STPG2: variants seen among roughly 807,000 people sequenced by gnomAD.
STPG2 encodes sperm tail PG-rich repeat containing 2.
STPG2 carries 56 observed loss-of-function variants against 54.2 expected under a neutral mutation model. That is an observed-to-expected ratio of 1.03 (90% CI 0.83 to 1.29). STPG2 has a LOEUF of 1.29. Among genes scored for constraint, STPG2 ranks in the 50% most tolerant of loss-of-function variants. STPG2 has a pLI of 0.00. For synonymous variants in STPG2, 200 were observed against 181.8 expected (o/e 1.10, Z -0.81); for missense variants, 596 against 544.9 (o/e 1.09, Z -0.93).
intron 9 of STPG2, among the ~76,000 whole-genome samples, chr4:97,760,386 T>C (rs1037701683): frequency 1.3e-5 from 2 of 152,148 alleles, no homozygotes; most frequent in Non-Finnish European, 2.9e-5. Flanking sequence ...GGTAAGTAAA[T>C]GAGCCAAGGC....
intron 5 of STPG2, among the ~76,000 whole-genome samples, chr4:98,067,467 T>C (rs1461388902): frequency 6.6e-6 from 1 of 152,216 alleles, no homozygotes. Context: ...ACAGTATTGC[T>C]GATTATTATA....
intron 9 of STPG2, among the ~76,000 whole-genome samples, chr4:97,748,890 T>C (rs1490688807): frequency 1.3e-5 from 2 of 151,652 alleles, no homozygotes; most frequent in Non-Finnish European, 3.0e-5. Flanking sequence ...TCTTTAGAGT[T>C]TGCCAACTCC....
rs563398302 is a variant in STPG2 at position 97,452,852 on chromosome 4, C to T, written c.462+259847G>A. Among the ~76,000 whole-genome samples the T allele has an allele frequency of 4.7e-4, 71 of 152,290 alleles. No homozygotes were observed. In the South Asian group the frequency reaches 0.013, roughly 28 times the overall value. On this transcript the variant is annotated intron_variant, in intron 4 of 4. Coordinates refer to the STPG2 transcript ENST00000522676. ...GCTAGGAGCTGAACACTCATCAGAA[C>T]GCCCTGACTGTGGAAAGGAGCTATC...
chr4:97,568,752 A>C (rs1039046034), intron 10 of STPG2, among the ~76,000 whole-genome samples: 8 of 152,182 alleles, frequency 5.3e-5, no homozygotes, highest in Non-Finnish European at 7.4e-5. Context: ...TTACATTCCC[A>C]AAAAGTGCTA....
At chr4:98,110,969 AT>A (rs1739330532) in intron 3 of STPG2, among the ~76,000 whole-genome samples, 1 of 152,088 alleles carries the variant, frequency 6.6e-6, no homozygotes, top group East Asian at 1.9e-4. Flanking sequence ...CGACTCCAAA[AT>A]TTTAAAAGAA....
chr4:98,041,602 TG>T (rs998387931), intron 5 of STPG2, among the ~76,000 whole-genome samples: 2 of 151,966 alleles, frequency 1.3e-5, no homozygotes, highest in African/African-American at 4.8e-5. Context: ...TATAGTTTTT[TG>T]TTTTTAATTT....
chr4:97,778,753 C>A lies in STPG2; in HGVS notation c.1204+62020G>T, dbSNP rs28752291. On this transcript the variant is annotated intron_variant, in intron 9 of 10. Transcript: ENST00000295268. The stretch of plus-strand genomic sequence containing the variant: ...CAAAGCTTCCAGAGGAACAATCGGG[C>A]AGCAACATTTGCTATTCAGCAATAT... 3.3e-3 allele frequency among the ~76,000 whole-genome samples: 508 copies of A among 152,266 alleles called. 3 individuals are homozygous for A. Among genetic ancestry groups the A allele is most frequent in the African/African-American group, 0.012 (480 of 41,552 alleles).
In STPG2 at chr4:97,663,599, A is replaced by G. The variant is rs188729606; in HGVS notation, c.1320+49100T>C. On this transcript the variant is annotated intron_variant, in intron 10 of 10. Transcript: ENST00000295268. Reference sequence around the variant, plus strand: ...AATTAAAAACTTCTGAAAATAACATATAGAAAAGCTTAAGACATATTTAAC... The same window carrying G: ...AATTAAAAACTTCTGAAAATAACATGTAGAAAAGCTTAAGACATATTTAAC... Among the ~76,000 whole-genome samples, 59 of 152,346 alleles carry G rather than the reference A, an allele frequency of 3.9e-4. 1 individual carries two copies. Among genetic ancestry groups the G allele is most frequent in the Admixed American group, 3.7e-3 (56 of 15,298 alleles).
intron 5 of STPG2, among the ~76,000 whole-genome samples, chr4:98,098,735 C>A (rs1023971893): frequency 2.6e-5 from 4 of 151,998 alleles, no homozygotes; most frequent in Non-Finnish European, 4.4e-5. Flanking sequence ...ACAAGGGATT[C>A]ATAACGAGAA....
At chr4:97,813,389 T>C (rs1419482663) in intron 9 of STPG2, among the ~76,000 whole-genome samples, 1 of 151,970 alleles carries the variant, frequency 6.6e-6, no homozygotes, top group Non-Finnish European at 1.5e-5. Context: ...TGATACTTTT[T>C]TAAAAAAAGA....
At chr4:97,831,640 A>G (rs1337110094) in intron 9 of STPG2, among the ~76,000 whole-genome samples, 1 of 152,184 alleles carries the variant, frequency 6.6e-6, no homozygotes, top group Non-Finnish European at 1.5e-5. Context: ...AATAAAGAAG[A>G]AAAGAGAGAA....
chr4:97,791,353 T>C (rs1001052628), intron 9 of STPG2, among the ~76,000 whole-genome samples: 2 of 152,164 alleles, frequency 1.3e-5, no homozygotes, highest in African/African-American at 4.8e-5. Context: ...TGCTGAACAA[T>C]GAATTTCATT....
At chr4:97,550,640 T>C (rs947276539) in intron 4 of STPG2, among the ~76,000 whole-genome samples, 5 of 152,200 alleles carry the variant, frequency 3.3e-5, no homozygotes, top group Admixed American at 3.3e-4. Flanking sequence ...GTTCTTGGTC[T>C]CGCTAACTTC....
intron 10 of STPG2, among the ~76,000 whole-genome samples, chr4:97,635,794 T>A (rs1316209756): frequency 2.6e-5 from 4 of 151,888 alleles, no homozygotes; most frequent in Non-Finnish European, 5.9e-5. Context: ...GAGCTAACTA[T>A]CCTAAATATA....
chr4:97,747,041 A>G (rs1473672548), intron 9 of STPG2, among the ~76,000 whole-genome samples: 4 of 150,992 alleles, frequency 2.6e-5, no homozygotes, highest in Admixed American at 6.6e-5. Context: ...TTACAGTAAT[A>G]TCCCCAAAAG....
chr4:97,806,021 T>C lies in STPG2; in HGVS notation c.1204+34752A>G, dbSNP rs117793644. 1.9e-3 allele frequency among the ~76,000 whole-genome samples: 290 copies of C among 152,126 alleles called. 6 individuals are homozygous for C. In the East Asian group the frequency reaches 0.05, roughly 26 times the overall value. ...TACTGGGTATGTAACCAAAGGAAAATAAATTGTTCTACCGAAAAGATACAT... is the reference window on the plus strand; with the variant it reads ...TACTGGGTATGTAACCAAAGGAAAACAAATTGTTCTACCGAAAAGATACAT... On this transcript the variant is annotated intron_variant, in intron 9 of 10. Coordinates refer to ENST00000295268, the MANE Select transcript of STPG2 (RefSeq NM_174952.3).
At chr4:97,950,008 A>T (rs1300270984) in intron 7 of STPG2, among the ~76,000 whole-genome samples, 2 of 152,018 alleles carry the variant, frequency 1.3e-5, no homozygotes, top group Non-Finnish European at 2.9e-5. Flanking sequence ...TATTCTACTT[A>T]TTTTAATCTA....
At chr4:97,996,964 A>C (rs928809457) in intron 5 of STPG2, among the ~76,000 whole-genome samples, 2 of 152,242 alleles carry the variant, frequency 1.3e-5, no homozygotes, top group African/African-American at 2.4e-5. Flanking sequence ...GGCAGAGAAA[A>C]AGGAATGCTT....
At chr4:97,953,009 G>C (rs1733531429) in intron 7 of STPG2, among the ~76,000 whole-genome samples, 1 of 152,170 alleles carries the variant, frequency 6.6e-6, no homozygotes, top group East Asian at 1.9e-4. Flanking sequence ...ACCCAGGGGA[G>C]ATACTGTGGT....
Sources: allele counts gnomAD v4.1 joint callset (sites outside exome capture counted in the v4.1 genomes callset), GRCh38; gene constraint gnomAD v4.1.1; transcripts MANE v1.5; gene names NCBI Gene and HGNC (gene_info 2026-07-23, HGNC 2026-07-21).